Variants in CCDC148 observed in about 807,000 individuals in gnomAD.
The protein encoded by CCDC148 is coiled-coil domain containing 148.
In CCDC148, 89 loss-of-function variants were observed where a neutral mutation model predicts 85.7. That is an observed-to-expected ratio of 1.04 (90% CI 0.87 to 1.24). The LOEUF (loss-of-function observed/expected upper bound fraction) is 1.24. Ranked by LOEUF, CCDC148 falls within the 50% of genes most tolerant of loss-of-function variation. The probability of loss-of-function intolerance (pLI) is 0.00; values close to 1 mark genes in which losing one functional copy is unlikely to be tolerated. For synonymous variants in CCDC148, 230 were observed against 213.9 expected (o/e 1.08, Z -0.66); for missense variants, 692 against 671.7 (o/e 1.03, Z -0.33).
At chr2:158,367,018 C>G (rs955760467) in intron 1 of CCDC148, among the ~76,000 whole-genome samples, 1 of 152,102 alleles carries the variant, frequency 6.6e-6, no homozygotes, top group African/African-American at 2.4e-5. Flanking sequence ...ATTATAGCCT[C>G]CCCCTCCCTA....
chr2:158,228,783 GAAC>G (rs1246348324), intron 10 of CCDC148, among the ~76,000 whole-genome samples: 1 of 128,996 alleles, frequency 7.8e-6, no homozygotes, highest in East Asian at 2.8e-4. Context: ...ACAGAAAGGG[GAAC>G]ATCACACACC....
intron 11 of CCDC148, among the ~76,000 whole-genome samples, chr2:158,194,036 A>C (rs1313479416): frequency 6.6e-6 from 1 of 151,984 alleles, no homozygotes; most frequent in East Asian, 1.9e-4. Context: ...AAATTTAAAA[A>C]AATTTACAGT....
intron 1 of CCDC148, among the ~76,000 whole-genome samples, chr2:158,402,660 T>C (rs1190384900): frequency 1.3e-5 from 2 of 152,082 alleles, no homozygotes; most frequent in Non-Finnish European, 2.9e-5. Flanking sequence ...ACAGATATAT[T>C]AATCCTATTG....
intron 1 of CCDC148, among the ~76,000 whole-genome samples, chr2:158,373,829 T>A (rs1684546869): frequency 6.6e-6 from 1 of 152,028 alleles, no homozygotes; most frequent in Non-Finnish European, 1.5e-5. Context: ...GGCATTATAC[T>A]ACATATTTAT....
At chr2:158,407,101 T>C (rs1686061254) in intron 1 of CCDC148, among the ~76,000 whole-genome samples, 1 of 152,096 alleles carries the variant, frequency 6.6e-6, no homozygotes, top group African/African-American at 2.4e-5. Flanking sequence ...TCTAAGACCT[T>C]GAAAAAAACA....
intron 1 of CCDC148, among the ~76,000 whole-genome samples, chr2:158,455,928 T>C (rs1229928747): frequency 6.6e-6 from 1 of 152,210 alleles, no homozygotes; most frequent in African/African-American, 2.4e-5. Flanking sequence ...TTTAAAGAGA[T>C]ACTGGAAAAT....
intron 5 of CCDC148, 81 bp downstream of exon 5, chr2:158,340,161 T>A (rs1682602962): frequency 8.1e-7 from 1 of 1,229,012 alleles, no homozygotes; most frequent in African/African-American, 1.5e-5. Flanking sequence ...AGGTCACACA[T>A]GTTTGTTTCT....
intron 9 of CCDC148, among the ~76,000 whole-genome samples, chr2:158,267,805 T>A (rs1689534606): frequency 1.3e-5 from 2 of 152,158 alleles, no homozygotes; most frequent in African/African-American, 2.4e-5. Flanking sequence ...GTCCCTATAG[T>A]TTTGCCTTTT....
chr2:158,244,468 A>T (rs1274658209), intron 10 of CCDC148, among the ~76,000 whole-genome samples: 1 of 152,110 alleles, frequency 6.6e-6, no homozygotes, highest in Non-Finnish European at 1.5e-5. Flanking sequence ...CCATTCATAA[A>T]AGTCCAGTTC....
At chr2:158,338,173 G>A (rs1162853121) in intron 7 of CCDC148, among the ~76,000 whole-genome samples, 5 of 152,092 alleles carry the variant, frequency 3.3e-5, no homozygotes, top group East Asian at 1.9e-4. Context: ...GAAGATGACC[G>A]CTGCCAAACT....
At chr2:158,279,527 T>C (rs1412934412) in intron 9 of CCDC148, among the ~76,000 whole-genome samples, 11 of 152,052 alleles carry the variant, frequency 7.2e-5, no homozygotes, top group African/African-American at 2.4e-4. Context: ...AGGGTATCAG[T>C]GATGGAAGAT....
At chr2:158,292,916 A>T (rs1559048902) in intron 9 of CCDC148, among the ~76,000 whole-genome samples, 1 of 152,214 alleles carries the variant, frequency 6.6e-6, no homozygotes, top group Non-Finnish European at 1.5e-5. Flanking sequence ...CACTTTTTTA[A>T]TAAAGTCAAT....
intron 10 of CCDC148, among the ~76,000 whole-genome samples, chr2:158,240,452 T>TCTCTCTCTCACACACACACA (rs941238898): frequency 1.7e-5 from 2 of 120,466 alleles, no homozygotes; most frequent in East Asian, 2.6e-4. Context: ...TCTCTCTCTC[T>TCTCTCTCTCACACACACACA]CACACACACA....
intron 9 of CCDC148, among the ~76,000 whole-genome samples, chr2:158,266,243 T>C (rs1300984150): frequency 1.3e-5 from 2 of 151,996 alleles, no homozygotes; most frequent in Non-Finnish European, 2.9e-5. Context: ...GGGTGTAAAA[T>C]GACAGGTGGT....
chr2:158,282,225 G>A (rs1690354754), intron 9 of CCDC148, among the ~76,000 whole-genome samples: 1 of 152,046 alleles, frequency 6.6e-6, no homozygotes. Flanking sequence ...CACAAGACAG[G>A]GATGCCCTCT....
chr2:158,226,743 C>A (rs934214396), intron 10 of CCDC148, among the ~76,000 whole-genome samples: 1 of 152,190 alleles, frequency 6.6e-6, no homozygotes, highest in African/African-American at 2.4e-5. Context: ...AGGCCTTTGA[C>A]AAAATTCAAC....
At chr2:158,314,509 T>C (rs991758891) in intron 7 of CCDC148, among the ~76,000 whole-genome samples, 6 of 152,206 alleles carry the variant, frequency 3.9e-5, no homozygotes, top group Non-Finnish European at 7.4e-5. Context: ...ATAGGATCCC[T>C]TCAAGTCACC....
intron 9 of CCDC148, among the ~76,000 whole-genome samples, chr2:158,297,319 T>A (rs1559052240): frequency 6.6e-6 from 1 of 152,184 alleles, no homozygotes; most frequent in East Asian, 1.9e-4. Flanking sequence ...AGAGTACAAA[T>A]GAAAGTAAAT....
chr2:158,286,718 C>A (rs1690642299), intron 9 of CCDC148, among the ~76,000 whole-genome samples: 1 of 152,100 alleles, frequency 6.6e-6, no homozygotes, highest in Non-Finnish European at 1.5e-5. Flanking sequence ...ACAGACGGAA[C>A]TGCAAAACAG....
Sources: gnomAD v4.1 joint callset for allele counts (sites outside exome capture counted in the v4.1 genomes callset) on GRCh38, gnomAD v4.1.1 for gene constraint, MANE v1.5 for transcripts, NCBI Gene and HGNC (gene_info 2026-07-23, HGNC 2026-07-21) for gene names.